Variants in PASD1 observed in about 807,000 individuals in gnomAD.
PASD1 encodes the protein PAS domain containing repressor 1, also known as circadian clock protein PASD1.
In PASD1, 13 loss-of-function variants were observed where a neutral mutation model predicts 58.8. The ratio of observed to expected loss-of-function variants is 0.22; its 90% CI spans 0.14 to 0.35. The LOEUF is 0.35. Ranked by LOEUF, PASD1 falls within the 10% of genes least tolerant of loss-of-function variation. The probability of loss-of-function intolerance (pLI) is 1.00; values close to 1 mark genes in which losing one functional copy is unlikely to be tolerated. For synonymous variants in PASD1, 236 were observed against 216.7 expected (o/e 1.09, Z -0.78); for missense variants, 734 against 568.3 (o/e 1.29, Z -2.96).
At chrX:151,609,883 C>A (rs2013533909) in intron 3 of PASD1, among the ~76,000 whole-genome samples, 1 of 108,918 alleles carries the variant, frequency 9.2e-6, no homozygotes, top group Non-Finnish European at 1.9e-5. Context: ...ATTTGAGAGA[C>A]TGCCGTAGAG....
chrX:151,634,842 A>T (rs956670394), intron 8 of PASD1, among the ~76,000 whole-genome samples: 2 of 111,677 alleles, frequency 1.8e-5, no homozygotes, highest in African/African-American at 6.5e-5. Flanking sequence ...GTAAAGTAAA[A>T]TTTCCCTTTG....
intron 11 of PASD1, among the ~76,000 whole-genome samples, chrX:151,664,948 C>T (rs1446837781): frequency 5.4e-5 from 6 of 112,042 alleles, no homozygotes; most frequent in Non-Finnish European, 7.5e-5. Context: ...CCACAGATTT[C>T]GATGATCATC....
chrX:151,581,225 A>T (rs12401207), intron 1 of PASD1, among the ~76,000 whole-genome samples: 1 of 58,879 alleles, frequency 1.7e-5, no homozygotes, highest in Non-Finnish European at 3.0e-5. Context: ...AAAGCTCTGT[A>T]TCAAAAAAAA....
intron 1 of PASD1, among the ~76,000 whole-genome samples, chrX:151,574,275 G>A (rs1428083262): frequency 8.9e-6 from 1 of 112,337 alleles, no homozygotes; most frequent in African/African-American, 3.2e-5. Context: ...ATCTGTTGAG[G>A]AGTGGCTCCA....
intron 8 of PASD1, among the ~76,000 whole-genome samples, chrX:151,642,048 T>C (rs1347357202): frequency 1.8e-4 from 20 of 112,274 alleles, no homozygotes; most frequent in African/African-American, 6.5e-4. Context: ...AAAAGAAAAT[T>C]TCTGGAAGCA....
At chrX:151,673,172 A>T (rs2014500884) in intron 14 of PASD1, 1 of 122,469 alleles carries the variant, frequency 8.2e-6, no homozygotes, top group Non-Finnish European at 1.7e-5. Context: ...CCAAGAACAC[A>T]TGAAGGCTAA....
At chrX:151,590,425 T>G (rs765180139) in intron 1 of PASD1, among the ~76,000 whole-genome samples, 1 of 111,489 alleles carries the variant, frequency 9.0e-6, no homozygotes, top group African/African-American at 3.3e-5. Flanking sequence ...CTCAGCCTGG[T>G]TTCTCTCCTT....
chrX:151,658,417 C>T (rs764836512), intron 9 of PASD1, among the ~76,000 whole-genome samples: 4 of 111,913 alleles, frequency 3.6e-5, no homozygotes, highest in Non-Finnish European at 7.5e-5. Flanking sequence ...TTGATAAGCC[C>T]GAACATACGA....
chrX:151,622,972 C>T lies in PASD1; in HGVS notation c.454C>T (p.His152Tyr). Residue 152 changes from histidine (H) to tyrosine (Y), a missense_variant, in exon 7 of 16, where the codon CAC becomes TAC. Physicochemically the swap from His to Tyr is moderately conservative, Grantham distance 83. Coordinates refer to ENST00000370357, the MANE Select transcript of PASD1 (RefSeq NM_173493.3). ...PVVFSGLFSS[H>Y]LCADFAACVP... ...GGTCTTTAGTGGCTTGTTTTCCAGC[C>T]ACCTCTGTGCTGACTTTGCTGCATG... The T allele has an allele frequency of 2.5e-6, 3 of 1,208,136 alleles. No homozygotes were observed. Among genetic ancestry groups the T allele is most frequent in the African/African-American group, 1.7e-5 (1 of 57,699 alleles).
At chrX:151,627,192 A>C (rs747712818) in intron 8 of PASD1, among the ~76,000 whole-genome samples, 1 of 109,652 alleles carries the variant, frequency 9.1e-6, no homozygotes, top group Non-Finnish European at 1.9e-5. Context: ...TTTATTTTTA[A>C]ATTTTTATTT....
intron 11 of PASD1, among the ~76,000 whole-genome samples, chrX:151,667,905 C>T (rs183866950): frequency 9.0e-6 from 1 of 111,441 alleles, no homozygotes; most frequent in Non-Finnish European, 1.9e-5. Flanking sequence ...TAGTTTTTTC[C>T]GATTCTGTGA....
intron 8 of PASD1, among the ~76,000 whole-genome samples, chrX:151,629,218 C>G (rs772710027): frequency 9.0e-6 from 1 of 111,247 alleles, no homozygotes; most frequent in East Asian, 2.8e-4. Flanking sequence ...CTGCCGGGTT[C>G]AAGCGATTCT....
At chrX:151,566,586 T>C (rs145689251) in intron 1 of PASD1, among the ~76,000 whole-genome samples, 1,231 of 111,409 alleles carry the variant, frequency 0.011, 17 homozygotes, top group African/African-American at 0.038. Context: ...TTTAAGAAAG[T>C]GATTCCCTGT....
intron 6 of PASD1, among the ~76,000 whole-genome samples, chrX:151,621,829 A>G (rs73638094): frequency 0.13 from 14,282 of 109,818 alleles, 1,237 homozygotes; most frequent in African/African-American, 0.31. Flanking sequence ...AATGATTGCA[A>G]AAATATAACA....
At chrX:151,576,849 TG>T (rs1220887590) in intron 1 of PASD1, among the ~76,000 whole-genome samples, 1 of 112,432 alleles carries the variant, frequency 8.9e-6, no homozygotes, top group African/African-American at 3.2e-5. Context: ...AAATGTAATT[TG>T]TTTTTTTACA....
intron 1 of PASD1, among the ~76,000 whole-genome samples, chrX:151,581,664 C>A (rs1181621329): frequency 1.8e-5 from 2 of 111,396 alleles, no homozygotes; most frequent in African/African-American, 6.5e-5. Flanking sequence ...TTTTGAGTTT[C>A]TCATTCTTCA....
intron 4 of PASD1, 124 bp from the exon 5 acceptor site, chrX:151,620,806 G>C (rs998916084): frequency 3.4e-4 from 139 of 412,028 alleles, no homozygotes; most frequent in African/African-American, 3.1e-3. Context: ...AGGTGGGGCA[G>C]AGCATAAGCT....
chrX:151,639,251 T>A (rs893932846), intron 8 of PASD1, among the ~76,000 whole-genome samples: 5 of 112,396 alleles, frequency 4.4e-5, no homozygotes, highest in African/African-American at 1.6e-4. Flanking sequence ...TATTTTTTAT[T>A]CTCTCCCCTG....
At chrX:151,574,764 T>C (rs765968667) in intron 1 of PASD1, among the ~76,000 whole-genome samples, 1 of 112,230 alleles carries the variant, frequency 8.9e-6, no homozygotes, top group African/African-American at 3.2e-5. Flanking sequence ...GTGAAGCAAG[T>C]CCATAGAATC....
Sources: gnomAD v4.1 joint callset for allele counts (sites outside exome capture counted in the v4.1 genomes callset) on GRCh38, gnomAD v4.1.1 for gene constraint, MANE v1.5 for transcripts, NCBI Gene and HGNC (gene_info 2026-07-23, HGNC 2026-07-21) for gene names.